Variants in SLC71A1 observed in about 807,000 individuals in gnomAD.
The protein encoded by SLC71A1 is hippocampus abundant gene transcript 1.
At chr1:100,048,406 T>C in the SLC71A1 span, among the ~76,000 whole-genome samples, 5 of 152,068 alleles carry the variant, frequency 3.3e-5, no homozygotes, top group Non-Finnish European at 5.9e-5. Flanking sequence ...TCTCGAACTC[T>C]TGACCTCAAG....
At chr1:100,080,578 A>G in the SLC71A1 span, 2 of 1,613,156 alleles carry the variant, frequency 1.2e-6, no homozygotes, top group Non-Finnish European at 1.7e-6. Flanking sequence ...TTTTCTACAT[A>G]TTCCATGTGG....
the SLC71A1 span, among the ~76,000 whole-genome samples, chr1:100,081,819 A>G: frequency 2.6e-5 from 4 of 152,198 alleles, no homozygotes; most frequent in African/African-American, 9.7e-5. Flanking sequence ...TATTCCCAGA[A>G]TTTTATAGAG....
At chr1:100,068,821 A>C in the SLC71A1 span, among the ~76,000 whole-genome samples, 3 of 152,110 alleles carry the variant, frequency 2.0e-5, no homozygotes, top group African/African-American at 7.2e-5. Context: ...TATGCTTACT[A>C]AAAATACAAC....
chr1:100,068,558 A>G, the SLC71A1 span: 1 of 1,612,122 alleles, frequency 6.2e-7, no homozygotes, highest in Non-Finnish European at 8.5e-7. Flanking sequence ...GCAGGCCAAT[A>G]TTCCAGCTTT....
the SLC71A1 span, among the ~76,000 whole-genome samples, chr1:100,049,478 G>C: frequency 2.6e-5 from 4 of 152,106 alleles, no homozygotes; most frequent in Non-Finnish European, 4.4e-5. Flanking sequence ...CCTGTAGCTT[G>C]TCTTTCAATA....
chr1:100,056,486 C>T, the SLC71A1 span, among the ~76,000 whole-genome samples: 3 of 152,074 alleles, frequency 2.0e-5, no homozygotes, highest in Admixed American at 6.5e-5. Flanking sequence ...TGGTGCACAC[C>T]GTAATCCCAG....
the SLC71A1 span, among the ~76,000 whole-genome samples, chr1:100,076,930 C>T: frequency 6.6e-6 from 1 of 152,126 alleles, no homozygotes; most frequent in Non-Finnish European, 1.5e-5. Flanking sequence ...TAGAAATGTA[C>T]TGAATAGGAA....
chr1:100,053,426 T>G, the SLC71A1 span, among the ~76,000 whole-genome samples: 1 of 152,166 alleles, frequency 6.6e-6, no homozygotes, highest in Non-Finnish European at 1.5e-5. Context: ...GCCACAAGAG[T>G]CAAAGTTTTT....
At chr1:100,064,812 T>A in the SLC71A1 span, among the ~76,000 whole-genome samples, 1 of 151,250 alleles carries the variant, frequency 6.6e-6, no homozygotes, top group East Asian at 1.9e-4. Context: ...AAGCCTTGGC[T>A]TCCTGGGCTC....
chr1:100,060,087 T>A, the SLC71A1 span: 4 of 1,335,564 alleles, frequency 3.0e-6, no homozygotes, highest in Non-Finnish European at 4.1e-6. Context: ...CTTTCACTTG[T>A]GCCATCTTGG....
the SLC71A1 span, among the ~76,000 whole-genome samples, chr1:100,040,133 T>C: frequency 2.6e-5 from 4 of 152,222 alleles, no homozygotes; most frequent in Non-Finnish European, 5.9e-5. Flanking sequence ...CTAAGAGCAC[T>C]GGGCACTCCT....
chr1:100,044,508 C>A, the SLC71A1 span, among the ~76,000 whole-genome samples: 2 of 136,856 alleles, frequency 1.5e-5, no homozygotes, highest in Admixed American at 7.4e-5. Context: ...GTTTACTCTG[C>A]TGATTTTTTT....
chr1:100,080,443 A>C, the SLC71A1 span: 8 of 1,461,874 alleles, frequency 5.5e-6, no homozygotes, highest in Non-Finnish European at 6.6e-6. Flanking sequence ...GTTCTAAGGT[A>C]GGGAAAAAAA....
At chr1:100,040,801 C>G in the SLC71A1 span, among the ~76,000 whole-genome samples, 4 of 152,104 alleles carry the variant, frequency 2.6e-5, no homozygotes, top group East Asian at 7.7e-4. Flanking sequence ...CCATTTGATA[C>G]TCTGTTGTTG....
the SLC71A1 span, among the ~76,000 whole-genome samples, chr1:100,054,301 C>T: frequency 6.6e-6 from 1 of 152,032 alleles, no homozygotes; most frequent in African/African-American, 2.4e-5. Flanking sequence ...GCAACCTTCG[C>T]CTCCCAGGTT....
chr1:100,047,432 A>AT, the SLC71A1 span, among the ~76,000 whole-genome samples: 18 of 151,780 alleles, frequency 1.2e-4, no homozygotes, highest in Non-Finnish European at 2.4e-4. Flanking sequence ...TTTGTTTTTA[A>AT]TTTTTTTGAG....
chr1:100,044,102 A>ATTT, the SLC71A1 span, among the ~76,000 whole-genome samples: 1 of 152,110 alleles, frequency 6.6e-6, no homozygotes, highest in Non-Finnish European at 1.5e-5. Flanking sequence ...CAGTAGTTCT[A>ATTT]TTTTTAGTTC....
At chr1:100,063,023 T>C in the SLC71A1 span, among the ~76,000 whole-genome samples, 7,323 of 151,338 alleles carry the variant, frequency 0.048, 203 homozygotes, top group African/African-American at 0.067. Flanking sequence ...ATTTAAAAAA[T>C]AGTCTAATTA....
chr1:100,072,797 A>G, the SLC71A1 span, among the ~76,000 whole-genome samples: 1 of 152,114 alleles, frequency 6.6e-6, no homozygotes, highest in Non-Finnish European at 1.5e-5. Flanking sequence ...ACCGGTACGT[A>G]TAAGAGTTCC....
Sources: allele counts gnomAD v4.1 joint callset (sites outside exome capture counted in the v4.1 genomes callset), GRCh38; gene constraint gnomAD v4.1.1; transcripts MANE v1.5; gene names NCBI Gene and HGNC (gene_info 2026-07-23, HGNC 2026-07-21).